Variants in ZCCHC7 observed in about 807,000 individuals in gnomAD.
ZCCHC7 encodes zinc finger CCHC domain-containing protein 7.
ZCCHC7 carries 35 observed loss-of-function variants against 52.0 expected under a neutral mutation model. The ratio of observed to expected loss-of-function variants is 0.67; its 90% CI spans 0.51 to 0.89. ZCCHC7 has a LOEUF of 0.89. Ranked by LOEUF, ZCCHC7 falls within the 40% of genes least tolerant of loss-of-function variation. The pLI, the probability that ZCCHC7 is intolerant of heterozygous loss-of-function variation, is 0.00. For missense variants in ZCCHC7, 574 were observed against 649.1 expected (o/e 0.88, Z 1.26); for synonymous variants, 217 against 221.5 (o/e 0.98, Z 0.18).
At chr9:37,324,491 A>G (rs1313267334) in intron 5 of ZCCHC7, among the ~76,000 whole-genome samples, 1 of 152,128 alleles carries the variant, frequency 6.6e-6, no homozygotes. Flanking sequence ...TGACAAGACA[A>G]GCTCTTAAAC....
chr9:37,243,470 T>G (rs889468596), intron 2 of ZCCHC7, among the ~76,000 whole-genome samples: 9 of 151,824 alleles, frequency 5.9e-5, no homozygotes, highest in African/African-American at 2.2e-4. Context: ...AAGACCTTAT[T>G]TTAGAGGAGA....
chr9:37,158,883 C>G (rs924502078), intron 2 of ZCCHC7, among the ~76,000 whole-genome samples: 1 of 152,176 alleles, frequency 6.6e-6, no homozygotes, highest in Non-Finnish European at 1.5e-5. Flanking sequence ...ATTTTTCTCT[C>G]TGTAGCATAT....
At chr9:37,217,583 T>G (rs1824576829) in intron 2 of ZCCHC7, among the ~76,000 whole-genome samples, 1 of 152,180 alleles carries the variant, frequency 6.6e-6, no homozygotes, top group Non-Finnish European at 1.5e-5. Flanking sequence ...GTTATTATCC[T>G]TCAGCTGAAA....
intron 2 of ZCCHC7, among the ~76,000 whole-genome samples, chr9:37,220,536 CGTCTCAAAAAGTAAAAAGGAAG>C (rs1824755047): frequency 6.6e-6 from 1 of 151,882 alleles, no homozygotes; most frequent in East Asian, 1.9e-4. Context: ...AATAAGACTC[CGTCTCAAAAAGTAAAAAGGAAG>C]GGCATCACAT....
intron 2 of ZCCHC7, 86 bp downstream of exon 2, chr9:37,127,028 A>G (rs1842569212): frequency 1.3e-5 from 19 of 1,471,460 alleles, no homozygotes; most frequent in South Asian, 8.0e-5. Flanking sequence ...AATAGGGTCT[A>G]CTCCGTTTAA....
intron 2 of ZCCHC7, among the ~76,000 whole-genome samples, chr9:37,212,308 C>A (rs1824283798): frequency 6.6e-6 from 1 of 151,482 alleles, no homozygotes; most frequent in African/African-American, 2.4e-5. Context: ...TTCTACCATA[C>A]CTAAAAAAAA....
At chr9:37,205,001 T>C (rs1023222886) in intron 2 of ZCCHC7, 2 of 154,118 alleles carry the variant, frequency 1.3e-5, no homozygotes, top group African/African-American at 2.4e-5. Flanking sequence ...TGTTGGGAGG[T>C]GGGATCTTTA....
At chr9:37,181,563 T>C (rs1822355493) in intron 2 of ZCCHC7, among the ~76,000 whole-genome samples, 1 of 152,212 alleles carries the variant, frequency 6.6e-6, no homozygotes, top group African/African-American at 2.4e-5. Flanking sequence ...TACAGATTCA[T>C]GCTTTAACAT....
chr9:37,258,504 C>A (rs1455525387), intron 2 of ZCCHC7, among the ~76,000 whole-genome samples: 10 of 151,970 alleles, frequency 6.6e-5, no homozygotes, highest in Non-Finnish European at 1.3e-4. Flanking sequence ...TGCCTGTAAT[C>A]CTAGCTCTTT....
chr9:37,152,689 TATCAC>T (rs1167833308), intron 2 of ZCCHC7, among the ~76,000 whole-genome samples: 1 of 152,242 alleles, frequency 6.6e-6, no homozygotes, highest in Non-Finnish European at 1.5e-5. Flanking sequence ...GTAGCATTCT[TATCAC>T]ATCAAGTATA....
At chr9:37,276,485 G>A (rs933176549) in intron 2 of ZCCHC7, among the ~76,000 whole-genome samples, 1 of 152,154 alleles carries the variant, frequency 6.6e-6, no homozygotes, top group Non-Finnish European at 1.5e-5. Context: ...TAAATAGGTG[G>A]TAATAATATC....
At chr9:37,167,150 CTCTCTGTTTTATTATAGATAGT>C (rs1821466650) in intron 2 of ZCCHC7, among the ~76,000 whole-genome samples, 1 of 151,352 alleles carries the variant, frequency 6.6e-6, no homozygotes, top group African/African-American at 2.4e-5. Flanking sequence ...TTACTTTTTT[CTCTCTGTTTTATTATAGATAGT>C]TCCTTGTTTT....
At chr9:37,154,804 G>A (rs1820722798) in intron 2 of ZCCHC7, among the ~76,000 whole-genome samples, 1 of 152,044 alleles carries the variant, frequency 6.6e-6, no homozygotes, top group East Asian at 1.9e-4. Context: ...GTTAATTAGA[G>A]AGTCCTGATC....
intron 2 of ZCCHC7, among the ~76,000 whole-genome samples, chr9:37,201,440 A>G (rs1203657909): frequency 6.6e-6 from 1 of 152,222 alleles, no homozygotes; most frequent in African/African-American, 2.4e-5. Context: ...TTGTACGGCT[A>G]AGGAGCTGTT....
chr9:37,236,674 G>T (rs1454289612), intron 2 of ZCCHC7, among the ~76,000 whole-genome samples: 2 of 152,154 alleles, frequency 1.3e-5, no homozygotes, highest in African/African-American at 4.8e-5. Context: ...GATTGCAGGC[G>T]TGAGCCACTG....
At chr9:37,340,408 CA>C (rs80043124) in intron 6 of ZCCHC7, among the ~76,000 whole-genome samples, 53,219 of 136,354 alleles carry the variant, frequency 0.39, 9,596 homozygotes, top group Middle Eastern at 0.48. Context: ...TGTCTGCAAC[CA>C]AAAAAAAAAA....
At chr9:37,139,534 G>A (rs560080459) in intron 2 of ZCCHC7, among the ~76,000 whole-genome samples, 3 of 152,090 alleles carry the variant, frequency 2.0e-5, no homozygotes, top group South Asian at 2.1e-4. Context: ...TCTGCTAAAT[G>A]TATAGCTTTT....
In ZCCHC7 at chr9:37,305,625, G is replaced by T; in HGVS notation, c.862G>T (p.Val288Leu). 1 of 1,614,124 alleles carries T rather than the reference G, an allele frequency of 6.2e-7. No individual in the cohort carries two copies. The highest frequency in any genetic ancestry group is 1.3e-5 in the African/African-American group (1 of 75,036). The change falls in exon 5 of 9, where the codon GTG becomes TTG. Residue 288 changes from valine (V) to leucine (L), a missense_variant. Transcript: ENST00000336755. ...CPAPLCEYCPVPKMLDHSCLF... is the reference protein window; with the variant it reads ...CPAPLCEYCPLPKMLDHSCLF... ...AGCCCCCCTTTGCGAATACTGTCCT[G>T]TGCCTAAGATGTTGGACCACTCATG...
In ZCCHC7 at chr9:37,312,929, C is replaced by T. The variant is rs572069781; in HGVS notation, c.951+7215C>T. 7.9e-5 allele frequency among the ~76,000 whole-genome samples: 12 copies of T among 152,044 alleles called. No individual in the cohort carries two copies. In the South Asian group the frequency reaches 2.5e-3, roughly 32 times the overall value. ...GAATAAATAATTAAAATTAAAATGCCGCCTCCCCAACAAAGTAACTTAGAT... is the reference window on the plus strand; with the variant it reads ...GAATAAATAATTAAAATTAAAATGCTGCCTCCCCAACAAAGTAACTTAGAT... On this transcript the variant is annotated intron_variant, in intron 5 of 8. Coordinates refer to ENST00000336755, the MANE Select transcript of ZCCHC7 (RefSeq NM_032226.3).
Sources: gnomAD v4.1 joint callset for allele counts (sites outside exome capture counted in the v4.1 genomes callset) on GRCh38, gnomAD v4.1.1 for gene constraint, MANE v1.5 for transcripts, NCBI Gene and HGNC (gene_info 2026-07-23, HGNC 2026-07-21) for gene names.